Variants in NBAS observed in about 807,000 individuals in gnomAD.
NBAS encodes NBAS subunit of NRZ tethering complex.
NBAS carries 219 observed loss-of-function variants against 302.5 expected under a neutral mutation model. The ratio of observed to expected loss-of-function variants is 0.72; its 90% CI spans 0.65 to 0.81. The LOEUF is 0.81. Ranked by LOEUF, NBAS falls within the 30% of genes least tolerant of loss-of-function variation. The pLI, the probability that NBAS is intolerant of heterozygous loss-of-function variation, is 0.00. For synonymous variants in NBAS, 1,118 were observed against 1,021.6 expected (o/e 1.09, Z -1.80); for missense variants, 2,932 against 2,841.6 (o/e 1.03, Z -0.72).
At chr2:15,381,905 C>T (rs1176305531) in intron 29 of NBAS, among the ~76,000 whole-genome samples, 1 of 152,126 alleles carries the variant, frequency 6.6e-6, no homozygotes, top group Non-Finnish European at 1.5e-5. Context: ...TAAACAATTT[C>T]ACAAAGCAGA....
chr2:15,006,850 A>G, the NBAS span, among the ~76,000 whole-genome samples: 4 of 152,216 alleles, frequency 2.6e-5, no homozygotes, highest in East Asian at 1.9e-4. Context: ...GCTTGTCCCA[A>G]TGAGCTCTCT....
At chr2:15,492,463 T>C (rs957152127) in intron 11 of NBAS, among the ~76,000 whole-genome samples, 1 of 152,046 alleles carries the variant, frequency 6.6e-6, no homozygotes, top group Non-Finnish European at 1.5e-5. Flanking sequence ...CTTTATGTAT[T>C]TATTTATTTC....
At chr2:14,994,560 C>T in the NBAS span, among the ~76,000 whole-genome samples, 2 of 152,158 alleles carry the variant, frequency 1.3e-5, no homozygotes, top group South Asian at 2.1e-4. Flanking sequence ...ATGTGGCTGA[C>T]GCTCCTCGAT....
At chr2:14,928,326 T>C in the NBAS span, among the ~76,000 whole-genome samples, 96,131 of 152,108 alleles carry the variant, frequency 0.63, 32,480 homozygotes, top group African/African-American at 0.89. Context: ...AGCAGATTGC[T>C]TCTCGTAGCA....
chr2:14,942,458 A>G, the NBAS span, among the ~76,000 whole-genome samples: 1 of 152,094 alleles, frequency 6.6e-6, no homozygotes, highest in Non-Finnish European at 1.5e-5. Context: ...GCCATGTGAC[A>G]TGTCTTTTCC....
chr2:15,119,904 G>T, the NBAS span, among the ~76,000 whole-genome samples: 1 of 152,182 alleles, frequency 6.6e-6, no homozygotes, highest in Non-Finnish European at 1.5e-5. Context: ...TACAGATGAG[G>T]AAGCCCTCAC....
At chr2:15,155,275 C>T in the NBAS span, among the ~76,000 whole-genome samples, 1 of 152,228 alleles carries the variant, frequency 6.6e-6, no homozygotes, top group East Asian at 1.9e-4. Context: ...ACAGCTTGAG[C>T]AGCACATAGT....
intron 9 of NBAS, among the ~76,000 whole-genome samples, chr2:15,517,770 T>TA (rs1239991928): frequency 1.3e-5 from 2 of 152,284 alleles, no homozygotes; most frequent in African/African-American, 4.8e-5. Flanking sequence ...ACACAGTACA[T>TA]AGAGTATCGT....
chr2:15,286,008 G>A (rs1415099306), intron 42 of NBAS, among the ~76,000 whole-genome samples: 1 of 152,108 alleles, frequency 6.6e-6, no homozygotes, highest in Non-Finnish European at 1.5e-5. Flanking sequence ...ACTTCATTGG[G>A]TGCTTCCTGT....
At chr2:14,880,446 A>T in the NBAS span, among the ~76,000 whole-genome samples, 2 of 152,128 alleles carry the variant, frequency 1.3e-5, no homozygotes, top group East Asian at 3.8e-4. Flanking sequence ...GACAAATAGA[A>T]AACAATATCA....
At chr2:15,080,368 A>G in the NBAS span, among the ~76,000 whole-genome samples, 1 of 152,210 alleles carries the variant, frequency 6.6e-6, no homozygotes, top group South Asian at 2.1e-4. Context: ...GCCATCCCTA[A>G]ATACTTTCAC....
chr2:15,036,067 C>T, the NBAS span, among the ~76,000 whole-genome samples: 1 of 152,152 alleles, frequency 6.6e-6, no homozygotes, highest in African/African-American at 2.4e-5. Flanking sequence ...CTTTAAAAAT[C>T]CAATTTATTC....
the NBAS span, among the ~76,000 whole-genome samples, chr2:14,794,238 C>T: frequency 6.6e-6 from 1 of 152,100 alleles, no homozygotes; most frequent in South Asian, 2.1e-4. Context: ...AGGTATGGAC[C>T]TGTCCGCTGG....
the NBAS span, among the ~76,000 whole-genome samples, chr2:15,141,880 G>A: frequency 6.6e-6 from 1 of 152,162 alleles, no homozygotes; most frequent in African/African-American, 2.4e-5. Flanking sequence ...AAACTCAGCA[G>A]ATGTTATTAT....
the NBAS span, among the ~76,000 whole-genome samples, chr2:15,097,911 AATATTATATATTATAT>A: frequency 8.5e-6 from 1 of 117,908 alleles, no homozygotes; most frequent in South Asian, 2.4e-4. Context: ...TATTATATAC[AATATTATATATTATAT>A]ATATTACATA....
chr2:15,247,853 T>C (rs1329797384), intron 44 of NBAS, among the ~76,000 whole-genome samples: 1 of 151,860 alleles, frequency 6.6e-6, no homozygotes, highest in African/African-American at 2.4e-5. Context: ...CACACAATAA[T>C]AGTGGGAGAC....
At chr2:15,165,578 G>A (rs1197288618), downstream of NBAS, among the ~76,000 whole-genome samples, 3 of 152,202 alleles carry the variant, frequency 2.0e-5, no homozygotes, top group Non-Finnish European at 4.4e-5. Context: ...TGAAGCCGAC[G>A]ATGATGGTGA....
At chr2:15,526,111 CAGAGCAAAG>C (rs1346399227) in intron 9 of NBAS, among the ~76,000 whole-genome samples, 5 of 151,956 alleles carry the variant, frequency 3.3e-5, no homozygotes, top group African/African-American at 1.2e-4. Flanking sequence ...CTAAAACCTA[CAGAGCAAAG>C]AGAACAATAA....
At chr2:15,109,825 T>C in the NBAS span, among the ~76,000 whole-genome samples, 5 of 152,236 alleles carry the variant, frequency 3.3e-5, no homozygotes, top group African/African-American at 9.6e-5. Context: ...TTTCAACATA[T>C]GAATTGTGGA....
Sources: gnomAD v4.1 joint callset for allele counts (sites outside exome capture counted in the v4.1 genomes callset) on GRCh38, gnomAD v4.1.1 for gene constraint, MANE v1.5 for transcripts, NCBI Gene and HGNC (gene_info 2026-07-23, HGNC 2026-07-21) for gene names.